Variants in HTR4 observed in about 807,000 individuals in gnomAD.
HTR4 encodes the protein 5-hydroxytryptamine receptor 4.
A neutral mutation model predicts 36.8 loss-of-function variants in HTR4; 16 were observed. That is an observed-to-expected ratio of 0.43 (90% confidence interval 0.29 to 0.66). HTR4 has a LOEUF of 0.66. Ranked by LOEUF, HTR4 falls within the 30% of genes least tolerant of loss-of-function variation. HTR4 has a pLI of 0.13. For missense variants in HTR4, 438 were observed against 490.9 expected (o/e 0.89, Z 1.02); for synonymous variants, 189 against 185.1 (o/e 1.02, Z -0.17).
At chr5:148,474,482 A>G (rs1348067174), downstream of HTR4, among the ~76,000 whole-genome samples, 1 of 152,140 alleles carries the variant, frequency 6.6e-6, no homozygotes, top group East Asian at 1.9e-4. Context: ...CCCCCTAATG[A>G]CATTCAATAC....
At chr5:148,591,658 T>C (rs139900369) in intron 2 of HTR4, among the ~76,000 whole-genome samples, 1 of 152,250 alleles carries the variant, frequency 6.6e-6, no homozygotes, top group Non-Finnish European at 1.5e-5. Flanking sequence ...ACAGACACTT[T>C]ACAAAAGGAG....
intron 5 of HTR4, among the ~76,000 whole-genome samples, chr5:148,511,908 G>A (rs955762766): frequency 6.6e-6 from 1 of 152,078 alleles, no homozygotes; most frequent in African/African-American, 2.4e-5. Context: ...TACTCCATGT[G>A]TTTTTGACTC....
chr5:148,589,069 A>G (rs573782516), intron 2 of HTR4, among the ~76,000 whole-genome samples: 32 of 152,276 alleles, frequency 2.1e-4, no homozygotes, highest in Admixed American at 1.6e-3. Flanking sequence ...CCACTATATG[A>G]ATAACCCACA....
intron 2 of HTR4, among the ~76,000 whole-genome samples, chr5:148,559,885 T>C (rs1161758765): frequency 6.6e-6 from 1 of 152,138 alleles, no homozygotes; most frequent in Non-Finnish European, 1.5e-5. Context: ...CTTATAAAGC[T>C]TTTTTACTCC....
chr5:148,592,607 A>C (rs1048606518), intron 2 of HTR4, among the ~76,000 whole-genome samples: 1 of 151,956 alleles, frequency 6.6e-6, no homozygotes, highest in Non-Finnish European at 1.5e-5. Context: ...TTATATATGA[A>C]TTTACTTTCA....
intron 2 of HTR4, among the ~76,000 whole-genome samples, chr5:148,603,267 A>T (rs1408090697): frequency 6.6e-6 from 1 of 152,062 alleles, no homozygotes; most frequent in African/African-American, 2.4e-5. Context: ...GCAATTCTCC[A>T]TGTTAATAAA....
At chr5:148,575,066 G>C (rs932517581) in intron 2 of HTR4, among the ~76,000 whole-genome samples, 2 of 152,050 alleles carry the variant, frequency 1.3e-5, no homozygotes, top group African/African-American at 2.4e-5. Context: ...CACTGGTCCA[G>C]TTGAGAAGGG....
rs376261591 is a variant in HTR4 at position 148,593,892 on chromosome 5, A to T, written c.26+43097T>A. Among the ~76,000 whole-genome samples the T allele has an allele frequency of 9.8e-4, 149 of 152,306 alleles. 2 individuals are homozygous for T. The South Asian group carries it at 0.029, about 30-fold the overall frequency. Reference sequence around the variant, plus strand: ...CATACTAAATTTTCAATGTGTTCAAATTCCCAGAATATTTTTATATGCTAG... The same window carrying T: ...CATACTAAATTTTCAATGTGTTCAATTTCCCAGAATATTTTTATATGCTAG... On this transcript the variant is annotated intron_variant, in intron 2 of 6. Transcript: ENST00000377888.
At chr5:148,589,203 G>C (rs1243021579) in intron 2 of HTR4, among the ~76,000 whole-genome samples, 1 of 152,076 alleles carries the variant, frequency 6.6e-6, no homozygotes, top group African/African-American at 2.4e-5. Context: ...TCTAGAAGGG[G>C]GCTTGCTAAG....
chr5:148,535,347 T>C (rs1238008303), intron 4 of HTR4, among the ~76,000 whole-genome samples: 2 of 152,206 alleles, frequency 1.3e-5, no homozygotes, highest in Non-Finnish European at 1.5e-5. Context: ...TCCAAATGAC[T>C]GCACCAGTTC....
intron 2 of HTR4, among the ~76,000 whole-genome samples, chr5:148,551,725 A>G (rs1759703751): frequency 6.6e-6 from 1 of 152,200 alleles, no homozygotes; most frequent in Admixed American, 6.5e-5. Flanking sequence ...AACATACACT[A>G]ACACTAACAA....
chr5:148,590,533 A>C (rs1761524814), intron 2 of HTR4, among the ~76,000 whole-genome samples: 1 of 151,558 alleles, frequency 6.6e-6, no homozygotes, highest in Non-Finnish European at 1.5e-5. Context: ...CAGAGCAAAT[A>C]CTTTCTCAGC....
chr5:148,452,684 G>A (rs1026864251), intron 5 of HTR4, among the ~76,000 whole-genome samples: 1 of 152,136 alleles, frequency 6.6e-6, no homozygotes, highest in Non-Finnish European at 1.5e-5. Context: ...GCATGAGTCC[G>A]AGTTCTCACA....
At chr5:148,551,123 T>C (rs1350980377) in intron 2 of HTR4, among the ~76,000 whole-genome samples, 1 of 152,140 alleles carries the variant, frequency 6.6e-6, no homozygotes, top group African/African-American at 2.4e-5. Context: ...CAACTTGAAC[T>C]GGTTGTTACT....
intron 5 of HTR4, among the ~76,000 whole-genome samples, chr5:148,458,288 A>G (rs1333919520): frequency 5.9e-5 from 9 of 151,756 alleles, no homozygotes; most frequent in Admixed American, 5.3e-4. Flanking sequence ...AAGATTTTAC[A>G]GTTGGTATTT....
intron 2 of HTR4, among the ~76,000 whole-genome samples, chr5:148,621,012 A>G (rs1752896315): frequency 6.6e-6 from 1 of 152,234 alleles, no homozygotes; most frequent in Non-Finnish European, 1.5e-5. Context: ...TATGTACACA[A>G]GCATATTTGT....
intron 5 of HTR4, among the ~76,000 whole-genome samples, chr5:148,460,569 A>T (rs1369514989): frequency 1.3e-5 from 2 of 152,134 alleles, no homozygotes. Flanking sequence ...AGGAGAAATA[A>T]GAACTTTCTG....
At chr5:148,490,906 C>T (rs938986494) in intron 6 of HTR4, 2 of 449,374 alleles carry the variant, frequency 4.5e-6, no homozygotes, top group Admixed American at 4.9e-5. Flanking sequence ...AGCTCAGCAT[C>T]CCCAGTTCCT....
intron 6 of HTR4, among the ~76,000 whole-genome samples, chr5:148,503,954 T>C (rs1349147298): frequency 6.6e-6 from 1 of 152,210 alleles, no homozygotes; most frequent in Non-Finnish European, 1.5e-5. Context: ...CTATCCTAAA[T>C]AGATATGCAC....
Sources: gnomAD v4.1 joint callset for allele counts (sites outside exome capture counted in the v4.1 genomes callset) on GRCh38, gnomAD v4.1.1 for gene constraint, MANE v1.5 for transcripts, NCBI Gene and HGNC (gene_info 2026-07-23, HGNC 2026-07-21) for gene names.